Variants in CNTN1 observed in about 807,000 individuals in gnomAD.
The protein encoded by CNTN1 is contactin 1.
In CNTN1, 38 loss-of-function variants were observed where a neutral mutation model predicts 126.4. That is an observed-to-expected ratio of 0.30 (90% confidence interval 0.23 to 0.39). The LOEUF is 0.39. CNTN1 is among the 10% of genes least tolerant of loss of function. The pLI is 1.00. For missense variants in CNTN1, 1,009 were observed against 1,248.4 expected, an observed-to-expected ratio of 0.81 and a Z score of 2.89; for synonymous variants, 413 against 422.6, an observed-to-expected ratio of 0.98 and a Z score of 0.28.
At chr12:40,866,279 T>C (rs1440032144) in intron 1 of CNTN1, among the ~76,000 whole-genome samples, 3 of 152,152 alleles carry the variant, frequency 2.0e-5, no homozygotes, top group Non-Finnish European at 4.4e-5. Context: ...TTATTCTTTT[T>C]TCCCAACCTG....
intron 1 of CNTN1, among the ~76,000 whole-genome samples, chr12:40,795,261 A>T (rs367789550): frequency 6.8e-6 from 1 of 147,566 alleles, no homozygotes; most frequent in South Asian, 2.2e-4. Context: ...CTCTGTAAAC[A>T]TGTCTACATG....
chr12:40,917,082 C>A (rs1945274775), intron 3 of CNTN1, among the ~76,000 whole-genome samples: 1 of 147,016 alleles, frequency 6.8e-6, no homozygotes, highest in Non-Finnish European at 1.5e-5. Flanking sequence ...GCAGAACTAA[C>A]TTGAGGATTT....
chr12:41,043,816 G>T lies in CNTN1; in HGVS notation c.2980+14597G>T, dbSNP rs554108437. ...CATATACACCATGGAATACTATGCA[G>T]CCATAAAAAATGATGAGTTCATGTC... On this transcript the variant is annotated intron_variant, in intron 23 of 23. Transcript: ENST00000551295. Among the ~76,000 whole-genome samples, 463 of 151,032 alleles carry T rather than the reference G, an allele frequency of 3.1e-3. 6 individuals carry two copies. Among genetic ancestry groups the T allele is most frequent in the African/African-American group, 0.011 (442 of 41,094 alleles).
At chr12:40,892,585 G>A (rs10879333) in intron 1 of CNTN1, among the ~76,000 whole-genome samples, 104,674 of 151,914 alleles carry the variant, frequency 0.69, 36,740 homozygotes, top group African/African-American at 0.84. Context: ...CTGGCATATC[G>A]GAAATAGTAC....
At chr12:41,040,356 C>G (rs1949370979) in intron 23 of CNTN1, among the ~76,000 whole-genome samples, 1 of 151,942 alleles carries the variant, frequency 6.6e-6, no homozygotes, top group Non-Finnish European at 1.5e-5. Flanking sequence ...AGCAAAGAAG[C>G]AGAGAGAGAA....
chr12:40,706,809 A>G (rs1394195401), intron 1 of CNTN1, among the ~76,000 whole-genome samples: 1 of 152,192 alleles, frequency 6.6e-6, no homozygotes, highest in Non-Finnish European at 1.5e-5. Flanking sequence ...GCTGTTCTCA[A>G]TATTTACAGT....
chr12:41,000,386 A>T (rs1948326214), intron 17 of CNTN1, among the ~76,000 whole-genome samples: 1 of 152,152 alleles, frequency 6.6e-6, no homozygotes, highest in Non-Finnish European at 1.5e-5. Context: ...TTGTTTTCCT[A>T]TAGCATGAAA....
intron 23 of CNTN1, among the ~76,000 whole-genome samples, chr12:41,067,817 C>T (rs571010026): frequency 1.4e-4 from 21 of 150,686 alleles, no homozygotes; most frequent in Admixed American, 1.1e-3. Flanking sequence ...CAAACATTGA[C>T]GTTTAAAGGT....
At chr12:40,740,862 T>G (rs763383493) in intron 1 of CNTN1, among the ~76,000 whole-genome samples, 31 of 152,114 alleles carry the variant, frequency 2.0e-4, no homozygotes, top group Non-Finnish European at 3.7e-4. Flanking sequence ...ATGTAAGATG[T>G]GCTTTTGCTC....
At chr12:40,989,570 A>G (rs1948050795) in intron 16 of CNTN1, among the ~76,000 whole-genome samples, 1 of 152,168 alleles carries the variant, frequency 6.6e-6, no homozygotes, top group South Asian at 2.1e-4. Context: ...TGCCTGATTC[A>G]AGGATGGAGA....
chr12:41,045,477 A>G (rs183691934), intron 23 of CNTN1, among the ~76,000 whole-genome samples: 29 of 152,264 alleles, frequency 1.9e-4, no homozygotes, highest in Admixed American at 1.5e-3. Context: ...TGACTTTGTG[A>G]TTTTTAAAAA....
chr12:40,783,326 T>C (rs888187200), intron 1 of CNTN1, among the ~76,000 whole-genome samples: 2 of 152,030 alleles, frequency 1.3e-5, no homozygotes, highest in African/African-American at 2.4e-5. Flanking sequence ...AATATAGCTG[T>C]GTGAGATCAA....
chr12:40,931,865 T>C (rs369856220), intron 7 of CNTN1, among the ~76,000 whole-genome samples: 4 of 152,074 alleles, frequency 2.6e-5, no homozygotes, highest in Middle Eastern at 3.4e-3. Context: ...AATCTACACC[T>C]TGAGAAACAT....
At chr12:40,875,642 A>ATTT (rs1374474247) in intron 1 of CNTN1, among the ~76,000 whole-genome samples, 11 of 152,056 alleles carry the variant, frequency 7.2e-5, no homozygotes, top group African/African-American at 2.7e-4. Flanking sequence ...ACCTTTTTTA[A>ATTT]TCTATCAAAA....
chr12:40,906,164 G>A (rs558761461), intron 1 of CNTN1, among the ~76,000 whole-genome samples: 15 of 152,102 alleles, frequency 9.9e-5, no homozygotes, highest in South Asian at 4.1e-4. Flanking sequence ...CCAGCTACTC[G>A]GGAGGCTGAG....
At chr12:40,890,637 G>A (rs947284783) in intron 1 of CNTN1, among the ~76,000 whole-genome samples, 2 of 151,874 alleles carry the variant, frequency 1.3e-5, no homozygotes, top group African/African-American at 4.8e-5. Flanking sequence ...CTTTCACTTA[G>A]TAATATGCAT....
chr12:40,825,421 C>T (rs1414745244), intron 1 of CNTN1, among the ~76,000 whole-genome samples: 1 of 151,814 alleles, frequency 6.6e-6, no homozygotes, highest in African/African-American at 2.4e-5. Flanking sequence ...TGATTTATAC[C>T]CAAATTTTGA....
At position 41,046,963 on chromosome 12, in the gene CNTN1, C is replaced by G. The variant is rs1949554766; in HGVS notation, c.2980+17744C>G. On this transcript the variant is annotated intron_variant, in intron 23 of 23. Coordinates refer to ENST00000551295, the MANE Select transcript of CNTN1 (RefSeq NM_001843.4). ...AAACAACTGCCCTATATACCTTGTC[C>G]CTTTCCCTCTTTATGCTTCTCACTT... is the stretch of plus-strand genomic sequence containing the variant. 2.6e-5 allele frequency among the ~76,000 whole-genome samples: 4 copies of G among 151,034 alleles called. No homozygotes were observed. In the Admixed American group the frequency reaches 2.7e-4, roughly 10 times the overall value.
chr12:40,780,214 T>C (rs1251031128), intron 1 of CNTN1, among the ~76,000 whole-genome samples: 2 of 151,922 alleles, frequency 1.3e-5, no homozygotes, highest in Non-Finnish European at 2.9e-5. Context: ...GCTACAATTG[T>C]ACAGGATGAT....
Sources: allele counts gnomAD v4.1 joint callset (sites outside exome capture counted in the v4.1 genomes callset), GRCh38; gene constraint gnomAD v4.1.1; transcripts MANE v1.5; gene names NCBI Gene and HGNC (gene_info 2026-07-23, HGNC 2026-07-21).